Variants in OTOGL observed in about 807,000 individuals in gnomAD.
The protein encoded by OTOGL is otogelin like.
A neutral mutation model predicts 318.5 loss-of-function variants in OTOGL; 285 were observed. The observed-to-expected ratio is 0.89, with a 90% CI of 0.81 to 0.99. OTOGL has a LOEUF of 0.99. OTOGL is among the 50% of genes least tolerant of loss of function. OTOGL has a pLI of 0.00. For synonymous variants in OTOGL, 987 were observed against 936.5 expected (o/e 1.05, Z -0.99); for missense variants, 2,899 against 2,845.6 (o/e 1.02, Z -0.43).
chr12:80,268,242 T>A (rs556843150), intron 22 of OTOGL, among the ~76,000 whole-genome samples: 8 of 152,280 alleles, frequency 5.3e-5, no homozygotes, highest in African/African-American at 7.2e-5. Context: ...TTTCTAACCA[T>A]TACTGTGTAC....
rs146163460 is a variant in OTOGL, at chr12:80,198,586, A to G, written c.-19-10827A>G. 2.0e-4 allele frequency among the ~76,000 whole-genome samples: 30 copies of G among 151,668 alleles called. No homozygotes were observed. In the East Asian group the frequency reaches 4.6e-3, roughly 23 times the overall value. Reference sequence around the variant, plus strand: ...CGACAGAGCAAGACTCCATCTCCAAATAATAATAATAATAATAATAACAAC... The same window carrying G: ...CGACAGAGCAAGACTCCATCTCCAAGTAATAATAATAATAATAATAACAAC... On this transcript the variant is annotated intron_variant, in intron 1 of 58. Transcript: ENST00000547103.
rs1882209330 is a variant in OTOGL, at chr12:80,257,967, T to G, written c.1854T>G (p.Cys618Trp). ...GGAAAAGAAGAACATTAGGTCTGTGTGGCACTTTTAATGGCAACATAAGGG... is the reference window on the plus strand; with the variant it reads ...GGAAAAGAAGAACATTAGGTCTGTGGGGCACTTTTAATGGCAACATAAGGG... Reference protein sequence around the residue: ...SAWKRRTLGLCGTFNGNIRDD... With the variant: ...SAWKRRTLGLWGTFNGNIRDD... The change falls in exon 18 of 59, where the codon TGT becomes TGG. Residue 618 changes from cysteine to tryptophan, a missense_variant. Transcript: ENST00000547103. 6.3e-7 allele frequency: 1 copy of G among 1,594,268 alleles called. No homozygotes were observed. Among genetic ancestry groups the G allele is most frequent in the Non-Finnish European group, 8.5e-7 (1 of 1,178,252 alleles).
At position 80,188,765 on chromosome 12, in the gene OTOGL, A is replaced by G. The variant is rs74108546; in HGVS notation, c.-19-20648A>G. Among the ~76,000 whole-genome samples, 1,442 of 152,272 alleles carry G rather than the reference A, an allele frequency of 9.5e-3. 17 individuals carry two copies. The highest frequency in any genetic ancestry group is 0.033 in the African/African-American group (1,376 of 41,568). On this transcript the variant is annotated intron_variant, in intron 1 of 58. Coordinates refer to ENST00000547103, the MANE Select transcript of OTOGL (RefSeq NM_001378609.3). ...TGTTATATAAATAAAGCCATCTGGT[A>G]TATCCAAAGAATTTCAGTCTCTAGA...
In OTOGL at chr12:80,229,343, A is replaced by C; in HGVS notation, c.576A>C (p.Arg192=). The change falls in exon 8 of 59, where the codon CGA becomes CGC. Residue 192 remains arginine, a synonymous_variant. Coordinates refer to ENST00000547103, the MANE Select transcript of OTOGL (RefSeq NM_001378609.3). ...SLFFSNQEEI[R]IYGHEIKKNG... Reference sequence around the variant, plus strand: ...TCTTTTCAAACCAAGAGGAAATTCGAATTTATGGTCATGAAATAAAAAAGA... The same window carrying C: ...TCTTTTCAAACCAAGAGGAAATTCGCATTTATGGTCATGAAATAAAAAAGA... The C allele has an allele frequency of 6.3e-7, 1 of 1,596,228 alleles. No individual in the cohort carries two copies.
intron 1 of OTOGL, among the ~76,000 whole-genome samples, chr12:80,109,956 T>C (rs1869727921): frequency 6.6e-6 from 1 of 152,140 alleles, no homozygotes; most frequent in African/African-American, 2.4e-5. Context: ...TACCTTAAGT[T>C]CTGGGATACA....
intron 1 of OTOGL, among the ~76,000 whole-genome samples, chr12:80,152,946 G>A (rs1009406325): frequency 2.0e-5 from 3 of 152,120 alleles, no homozygotes; most frequent in Non-Finnish European, 2.9e-5. Flanking sequence ...CACCTGCCTC[G>A]GCCTCCCAAA....
At chr12:80,312,028 G>A (rs142588715) in intron 30 of OTOGL, among the ~76,000 whole-genome samples, 278 of 152,084 alleles carry the variant, frequency 1.8e-3, no homozygotes, top group African/African-American at 4.2e-3. Flanking sequence ...CATTCAAAGG[G>A]CGAAATAAAA....
Position 80,252,200 on chromosome 12 carries a change from T to A in OTOGL, c.1284T>A (p.Asp428Glu), listed in dbSNP as rs202061419. 184 of 1,598,184 alleles carry A rather than the reference T, an allele frequency of 1.2e-4. No individual in the cohort carries two copies. In the African/African-American group the frequency reaches 2.1e-3, roughly 18 times the overall value. Residue 428 changes from aspartate (D) to glutamate (E), a missense_variant and splice_region_variant, in exon 13 of 59, where the codon GAT (aspartate) becomes GAA (glutamate). This residue lies in a region of OTOGL where 2,607 missense variants were observed against 2,524.9 expected (regional missense o/e 1.03). Coordinates refer to ENST00000547103, the MANE Select transcript of OTOGL (RefSeq NM_001378609.3). ...LHCLDGCYCP[D>E]GLVMDNGTCI... ...GTCTTGATGGATGTTACTGCCCAGA[T>A]GGTAAGTGCTTCATGAAGAAACCAT...
chr12:80,338,701 A>C (rs1888559245), intron 42 of OTOGL, among the ~76,000 whole-genome samples: 1 of 152,096 alleles, frequency 6.6e-6, no homozygotes, highest in South Asian at 2.1e-4. Context: ...AGATCAAGGA[A>C]AGAATCCAGA....
intron 1 of OTOGL, among the ~76,000 whole-genome samples, chr12:80,146,916 A>T (rs1158927837): frequency 6.6e-6 from 1 of 151,314 alleles, no homozygotes. Context: ...CCCTTTTATC[A>T]TTTTTTATTG....
intron 1 of OTOGL, among the ~76,000 whole-genome samples, chr12:80,144,549 A>G (rs949320749): frequency 1.9e-4 from 29 of 150,932 alleles, no homozygotes; most frequent in Non-Finnish European, 2.8e-4. Flanking sequence ...AGCATGACTT[A>G]TAGTCCTTTG....
intron 9 of OTOGL, 35 bp from the exon 10 acceptor site, chr12:80,238,816 T>TTGTG (rs143126749): frequency 6.8e-5 from 90 of 1,314,288 alleles, no homozygotes; most frequent in Non-Finnish European, 8.3e-5. Flanking sequence ...TTACACCTAT[T>TTGTG]TGTGTGTGTG....
At position 80,229,257 on chromosome 12, in the gene OTOGL, G is replaced by A. The variant is rs1415608508; in HGVS notation, c.490G>A (p.Val164Ile). The A allele has an allele frequency of 1.9e-6, 3 of 1,596,948 alleles. No individual in the cohort carries two copies. Among genetic ancestry groups the A allele is most frequent in the Non-Finnish European group, 2.5e-6 (3 of 1,177,868 alleles). Residue 164 changes from valine to isoleucine, a missense_variant and splice_region_variant, in exon 8 of 59, where the codon GTT becomes ATT. This residue lies in a region of OTOGL where 2,607 missense variants were observed against 2,524.9 expected (regional missense o/e 1.03). Transcript: ENST00000547103. ...TTCTTTTTGTTTTTCTCCCTTTAAG[G>A]TTCATAACAGCCCTAAATGCCTTGG... The part of the protein sequence containing the change: ...GDLEPRYTVW[V>I]HNSPKCLGSV...
chr12:80,313,501 A>T lies in OTOGL; in HGVS notation c.3476A>T (p.Asn1159Ile), dbSNP rs759050276. ...ATTGACGTTACTTCTTTTGCCAAAAATTGTCATGAAGATACATGTAACTGC... is the reference window on the plus strand; with the variant it reads ...ATTGACGTTACTTCTTTTGCCAAAATTTGTCATGAAGATACATGTAACTGC... ...NVIDVTSFAKNCHEDTCNCNL... is the reference protein window; with the variant it reads ...NVIDVTSFAKICHEDTCNCNL... The change falls in exon 31 of 59, where the codon AAT becomes ATT. Residue 1159 changes from asparagine to isoleucine, a missense_variant. Asn to Ile is a moderately radical substitution (Grantham distance 149). Transcript: ENST00000547103. 8.7e-6 allele frequency: 14 copies of T among 1,612,134 alleles called. No homozygotes were observed. The highest frequency in any genetic ancestry group is 1.6e-4 in the Middle Eastern group (1 of 6,076).
rs1891359365 is a variant in OTOGL, at chr12:80,379,631, AAG to A, written c.*1587_*1588del. On this transcript the variant is annotated 3_prime_UTR_variant, in exon 59 of 59. Coordinates refer to ENST00000547103, the MANE Select transcript of OTOGL (RefSeq NM_001378609.3). The stretch of plus-strand genomic sequence containing the variant: ...GTTAAAATATATTAATATTTCACTT[AAG>A]AGAAAATGTTATGTATTTCAAATAG... 6.6e-6 allele frequency: 1 copy of A among 151,828 alleles called. No individual in the cohort carries two copies. The highest frequency in any genetic ancestry group is 1.5e-5 in the Non-Finnish European group (1 of 67,852). The allele number at this position is 151,828 out of a possible 1,614,324, so 9.4% of individuals were successfully genotyped here.
At chr12:80,283,260 T>C (rs1884368722) in intron 26 of OTOGL, among the ~76,000 whole-genome samples, 1 of 152,026 alleles carries the variant, frequency 6.6e-6, no homozygotes. Context: ...TCTTAAGAAC[T>C]ACAGTGACTT....
chr12:80,301,923 C>T (rs1885791847), intron 27 of OTOGL, among the ~76,000 whole-genome samples: 2 of 152,220 alleles, frequency 1.3e-5, no homozygotes, highest in South Asian at 4.1e-4. Context: ...CTGTGGCTGT[C>T]AGTTTTGCAG....
chr12:80,239,602 C>T (rs1030810117), intron 11 of OTOGL, among the ~76,000 whole-genome samples, 163 bp downstream of exon 11: 4 of 151,862 alleles, frequency 2.6e-5, no homozygotes, highest in Non-Finnish European at 5.9e-5. Flanking sequence ...TAACAGTCAC[C>T]GTCTAATTTT....
At chr12:80,210,520 G>A (rs1297039856) in intron 2 of OTOGL, among the ~76,000 whole-genome samples, 1 of 152,100 alleles carries the variant, frequency 6.6e-6, no homozygotes, top group Admixed American at 6.6e-5. Flanking sequence ...ATTTTATGGT[G>A]TGCTTGGCAT....
Sources: gnomAD v4.1 joint callset for allele counts (sites outside exome capture counted in the v4.1 genomes callset) on GRCh38, gnomAD v4.1.1 for gene constraint, gnomAD v4.1.1 regional missense constraint, MANE v1.5 for transcripts, NCBI Gene and HGNC (gene_info 2026-07-23, HGNC 2026-07-21) for gene names.